DCDC2: variants seen among roughly 807,000 people sequenced by gnomAD.
DCDC2 encodes doublecortin domain-containing protein 2.
Under a neutral mutation model 50.2 loss-of-function variants are expected in DCDC2, and 40 were observed. The observed-to-expected ratio is 0.80, with a 90% CI of 0.62 to 1.04. DCDC2 has a LOEUF of 1.04. DCDC2 is among the 50% of genes least tolerant of loss of function. DCDC2 has a pLI of 0.00. For synonymous variants in DCDC2, 234 were observed against 210.6 expected, an observed-to-expected ratio of 1.11 and a Z score of -0.96; for missense variants, 570 against 581.9, an observed-to-expected ratio of 0.98 and a Z score of 0.21.
intron 7 of DCDC2, among the ~76,000 whole-genome samples, chr6:24,249,238 A>G (rs1762748019): frequency 6.6e-6 from 1 of 152,182 alleles, no homozygotes; most frequent in African/African-American, 2.4e-5. Flanking sequence ...TAATACTTCC[A>G]TAATTAAAAA....
At position 24,245,066 on chromosome 6, in the gene DCDC2, C is replaced by T. The variant is rs149144140; in HGVS notation, c.922+32983G>A. On this transcript the variant is annotated intron_variant, in intron 7 of 9. Coordinates refer to ENST00000378454, the MANE Select transcript of DCDC2 (RefSeq NM_016356.5). The stretch of plus-strand genomic sequence containing the variant: ...AAAAATTAGCTGGGTGTGGTGGTTG[C>T]TCCTGTAATCCCAGCTACTCAGGTG... 1.7e-3 allele frequency among the ~76,000 whole-genome samples: 258 copies of T among 152,224 alleles called. 1 individual carries two copies. The highest frequency in any genetic ancestry group is 5.8e-3 in the African/African-American group (239 of 41,516).
At chr6:24,307,948 A>G (rs1284036893) in intron 2 of DCDC2, among the ~76,000 whole-genome samples, 1 of 152,146 alleles carries the variant, frequency 6.6e-6, no homozygotes, top group Admixed American at 6.5e-5. Context: ...AGAGTGATGA[A>G]CCCTTTCTAA....
chr6:24,226,009 T>C (rs1380318328), intron 7 of DCDC2, among the ~76,000 whole-genome samples: 1 of 152,228 alleles, frequency 6.6e-6, no homozygotes, highest in Non-Finnish European at 1.5e-5. Flanking sequence ...CTTGCTTGCG[T>C]CCTTATCAAA....
At chr6:24,199,608 C>G (rs1438774216) in intron 8 of DCDC2, among the ~76,000 whole-genome samples, 1 of 152,136 alleles carries the variant, frequency 6.6e-6, no homozygotes, top group African/African-American at 2.4e-5. Context: ...CTTTTCTCCT[C>G]CAAAGGATCA....
In DCDC2 at chr6:24,273,891, C is replaced by G. The variant is rs536058762; in HGVS notation, c.922+4158G>C. On this transcript the variant is annotated intron_variant, in intron 7 of 9. Transcript: ENST00000378454. ...ATATTCAGACATCCTTCTGCCGGCA[C>G]CACACCTGCTCCCAATCAGTCATCA... is the stretch of plus-strand genomic sequence containing the variant. 2.0e-5 allele frequency among the ~76,000 whole-genome samples: 3 copies of G among 152,326 alleles called. No homozygotes were observed. In the East Asian group the frequency reaches 5.8e-4, roughly 29 times the overall value.
chr6:24,365,476 G>A, the DCDC2 span, among the ~76,000 whole-genome samples: 1 of 152,180 alleles, frequency 6.6e-6, no homozygotes, highest in African/African-American at 2.4e-5. Flanking sequence ...ATTTTTAGTA[G>A]AGACAGGGTT....
intron 4 of DCDC2, among the ~76,000 whole-genome samples, chr6:24,294,112 C>A (rs894420654): frequency 2.0e-5 from 3 of 152,168 alleles, no homozygotes; most frequent in Admixed American, 2.0e-4. Context: ...AATCCCAGCA[C>A]TTGGGAGGCT....
At position 24,318,313 on chromosome 6, in the gene DCDC2, T is replaced by C. The variant is rs149130701; in HGVS notation, c.349-16269A>G. 5.3e-4 allele frequency among the ~76,000 whole-genome samples: 80 copies of C among 152,220 alleles called. 1 individual carries two copies. The highest frequency in any genetic ancestry group is 1.8e-3 in the African/African-American group (76 of 41,568). The stretch of plus-strand genomic sequence containing the variant: ...ATCCATACGATGGAGGGCTCTGAAG[T>C]TGCAGTAAGGTGTGAGAAAGATCTT... On this transcript the variant is annotated intron_variant, in intron 2 of 9. Transcript: ENST00000378454.
chr6:24,199,032 C>G (rs943056566), intron 8 of DCDC2, among the ~76,000 whole-genome samples: 2 of 152,186 alleles, frequency 1.3e-5, no homozygotes, highest in East Asian at 3.8e-4. Flanking sequence ...GATAAAACTC[C>G]CATCTCCCTG....
At chr6:24,176,932 T>C (rs893339605) in intron 9 of DCDC2, among the ~76,000 whole-genome samples, 5 of 152,226 alleles carry the variant, frequency 3.3e-5, no homozygotes, top group Admixed American at 1.3e-4. Context: ...TCATTGCAAA[T>C]TACAGGATTA....
chr6:24,297,565 G>A (rs1354594869), intron 4 of DCDC2, among the ~76,000 whole-genome samples: 2 of 152,050 alleles, frequency 1.3e-5, no homozygotes, highest in African/African-American at 4.8e-5. Flanking sequence ...TTATTTCTGT[G>A]TGTAAATTTT....
At chr6:24,347,146 C>T (rs947461013) in intron 2 of DCDC2, among the ~76,000 whole-genome samples, 2 of 152,160 alleles carry the variant, frequency 1.3e-5, no homozygotes, top group Non-Finnish European at 2.9e-5. Context: ...AAAAATTAAT[C>T]CCATTATCCT....
intron 7 of DCDC2, among the ~76,000 whole-genome samples, chr6:24,244,802 A>G (rs895688254): frequency 2.6e-5 from 4 of 152,202 alleles, no homozygotes; most frequent in Admixed American, 2.6e-4. Flanking sequence ...CTCAATGCAA[A>G]TCTTATGTAG....
At chr6:24,216,183 C>A (rs1475101369) in intron 7 of DCDC2, among the ~76,000 whole-genome samples, 1 of 151,980 alleles carries the variant, frequency 6.6e-6, no homozygotes, top group Admixed American at 6.5e-5. Context: ...TGGGAACAGT[C>A]AGAATACCAT....
At chr6:24,280,605 C>T (rs988255521) in intron 6 of DCDC2, among the ~76,000 whole-genome samples, 5 of 151,964 alleles carry the variant, frequency 3.3e-5, no homozygotes, top group Non-Finnish European at 7.4e-5. Context: ...GGTGCAATCT[C>T]GGCTCACTGC....
chr6:24,306,634 T>C (rs1045658989), intron 2 of DCDC2, among the ~76,000 whole-genome samples: 5 of 152,256 alleles, frequency 3.3e-5, no homozygotes, highest in Admixed American at 6.5e-5. Flanking sequence ...TTAACCATTC[T>C]TACCCTGCTG....
intron 7 of DCDC2, among the ~76,000 whole-genome samples, chr6:24,229,581 G>A (rs986479931): frequency 2.0e-5 from 3 of 151,982 alleles, no homozygotes; most frequent in Admixed American, 2.0e-4. Flanking sequence ...GAAAAAAAAT[G>A]CAAAAAATTT....
chr6:24,222,151 G>A (rs951101645), intron 7 of DCDC2, among the ~76,000 whole-genome samples: 1 of 152,172 alleles, frequency 6.6e-6, no homozygotes, highest in African/African-American at 2.4e-5. Flanking sequence ...CAACTGTAGG[G>A]CAGTGTACAA....
At chr6:24,269,622 G>T (rs1763195468) in intron 7 of DCDC2, among the ~76,000 whole-genome samples, 1 of 152,054 alleles carries the variant, frequency 6.6e-6, no homozygotes, top group Admixed American at 6.6e-5. Flanking sequence ...AAGGGGATGG[G>T]GTTCCTAAGT....
Sources: gnomAD v4.1 joint callset for allele counts (sites outside exome capture counted in the v4.1 genomes callset) on GRCh38, gnomAD v4.1.1 for gene constraint, MANE v1.5 for transcripts, NCBI Gene and HGNC (gene_info 2026-07-23, HGNC 2026-07-21) for gene names.